Variants in STXBP6 observed in about 807,000 individuals in gnomAD.
STXBP6 encodes the protein syntaxin-binding protein 6.
STXBP6 carries 21 observed loss-of-function variants against 26.9 expected under a neutral mutation model. The ratio of observed to expected loss-of-function variants is 0.78; its 90% CI spans 0.55 to 1.12. The LOEUF (loss-of-function observed/expected upper bound fraction) is 1.12, where lower values mean the gene tolerates loss of function less well. STXBP6 is among the 50% of genes most tolerant of loss of function. The pLI is 0.00. For missense variants in STXBP6, 232 were observed against 257.9 expected (o/e 0.90, Z 0.69); for synonymous variants, 97 against 92.6 (o/e 1.05, Z -0.27).
intron 5 of STXBP6, chr14:24,817,043 A>G (rs1163793407): frequency 6.6e-6 from 1 of 152,232 alleles, no homozygotes; most frequent in Non-Finnish European, 1.5e-5. Flanking sequence ...TACTATTCTC[A>G]TAAAGAATAG....
intron 2 of STXBP6, among the ~76,000 whole-genome samples, chr14:24,896,975 A>T (rs925672157): frequency 6.6e-6 from 1 of 152,150 alleles, no homozygotes; most frequent in Non-Finnish European, 1.5e-5. Flanking sequence ...ATAAGACTAA[A>T]GGCCTTACAC....
At chr14:24,864,858 C>G (rs887641825) in intron 2 of STXBP6, among the ~76,000 whole-genome samples, 22 of 152,048 alleles carry the variant, frequency 1.4e-4, no homozygotes, top group African/African-American at 5.3e-4. Context: ...TAGTATTTTT[C>G]ATCATACATT....
rs540784783 is a variant in STXBP6 at position 24,917,253 on chromosome 14, T to C, written c.154+57412A>G. Among the ~76,000 whole-genome samples the C allele has an allele frequency of 6.9e-4, 105 of 152,170 alleles. 1 individual carries two copies. The highest frequency in any genetic ancestry group is 2.5e-3 in the African/African-American group (102 of 41,510). The stretch of plus-strand genomic sequence containing the variant: ...TATTATTAAGGAATGACACAAAAAC[T>C]AGAAGAAAAGATGACAAAATGGAGT... On this transcript the variant is annotated intron_variant, in intron 2 of 5. Coordinates refer to ENST00000323944, the MANE Select transcript of STXBP6 (RefSeq NM_001394410.1).
chr14:24,985,415 G>A (rs1212797325), intron 1 of STXBP6, among the ~76,000 whole-genome samples: 1 of 152,224 alleles, frequency 6.6e-6, no homozygotes, highest in Non-Finnish European at 1.5e-5. Context: ...TTCCAAACCG[G>A]AAAACGCTTA....
intron 1 of STXBP6, among the ~76,000 whole-genome samples, chr14:24,976,615 C>G (rs949504982): frequency 6.6e-6 from 1 of 152,120 alleles, no homozygotes; most frequent in African/African-American, 2.4e-5. Flanking sequence ...AAGTTGGCAA[C>G]AGAATTTCAT....
At chr14:24,948,114 C>A (rs1325293526) in intron 2 of STXBP6, among the ~76,000 whole-genome samples, 4 of 152,150 alleles carry the variant, frequency 2.6e-5, no homozygotes, top group Non-Finnish European at 5.9e-5. Flanking sequence ...GAAAAGGCGC[C>A]AATCCCACTT....
intron 2 of STXBP6, among the ~76,000 whole-genome samples, chr14:24,932,162 A>C (rs1211671401): frequency 1.3e-5 from 2 of 152,186 alleles, no homozygotes; most frequent in African/African-American, 4.8e-5. Flanking sequence ...TAATCCCAGC[A>C]CTTTGGGAGG....
At chr14:24,887,124 T>C (rs2070619280) in intron 2 of STXBP6, among the ~76,000 whole-genome samples, 1 of 152,218 alleles carries the variant, frequency 6.6e-6, no homozygotes, top group Non-Finnish European at 1.5e-5. Flanking sequence ...TCTTGATAGT[T>C]AAGGCCTTAA....
intron 2 of STXBP6, among the ~76,000 whole-genome samples, chr14:24,876,668 C>T (rs1229449716): frequency 6.6e-6 from 1 of 152,170 alleles, no homozygotes; most frequent in African/African-American, 2.4e-5. Context: ...GATACGCTAT[C>T]CATTAGCAAT....
At chr14:24,832,486 T>A (rs1314159569) in intron 4 of STXBP6, among the ~76,000 whole-genome samples, 1 of 152,208 alleles carries the variant, frequency 6.6e-6, no homozygotes, top group Non-Finnish European at 1.5e-5. Context: ...ATTTTTACCA[T>A]CTCTCTGGTG....
intron 2 of STXBP6, among the ~76,000 whole-genome samples, chr14:24,915,924 G>A (rs527281668): frequency 1.4e-4 from 22 of 152,168 alleles, no homozygotes; most frequent in African/African-American, 4.1e-4. Context: ...TTTCTGAACC[G>A]GCTTTTTTAA....
At chr14:24,896,950 A>G (rs1005415554) in intron 2 of STXBP6, among the ~76,000 whole-genome samples, 5 of 152,162 alleles carry the variant, frequency 3.3e-5, no homozygotes, top group Admixed American at 2.6e-4. Flanking sequence ...GGAAGGCTGT[A>G]CCACTGGGTG....
At chr14:25,044,282 G>C (rs2075691102) in intron 1 of STXBP6, among the ~76,000 whole-genome samples, 1 of 151,772 alleles carries the variant, frequency 6.6e-6, no homozygotes, top group South Asian at 2.1e-4. Flanking sequence ...TTGGTCATTA[G>C]GAAGCCAATA....
chr14:24,839,417 T>A (rs910169441), intron 4 of STXBP6, among the ~76,000 whole-genome samples: 2 of 152,154 alleles, frequency 1.3e-5, no homozygotes, highest in Non-Finnish European at 1.5e-5. Flanking sequence ...CAAAAGAGAA[T>A]TTGGTTCATG....
chr14:24,884,829 A>C (rs2070509862), intron 2 of STXBP6, among the ~76,000 whole-genome samples: 1 of 152,214 alleles, frequency 6.6e-6, no homozygotes, highest in Non-Finnish European at 1.5e-5. Context: ...CTCAGTATGA[A>C]ATGCTGAATT....
chr14:24,926,449 C>T (rs927155230), intron 2 of STXBP6, among the ~76,000 whole-genome samples: 11 of 151,944 alleles, frequency 7.2e-5, no homozygotes, highest in East Asian at 1.9e-4. Flanking sequence ...CTATTTTGGA[C>T]GAACAATTTA....
chr14:25,003,593 C>T (rs1751445807), intron 1 of STXBP6, among the ~76,000 whole-genome samples: 1 of 152,178 alleles, frequency 6.6e-6, no homozygotes, highest in South Asian at 2.1e-4. Flanking sequence ...TCATACAGTA[C>T]ATGTAACATA....
chr14:25,017,968 G>A (rs1482437860), intron 1 of STXBP6, among the ~76,000 whole-genome samples: 1 of 152,106 alleles, frequency 6.6e-6, no homozygotes, highest in Non-Finnish European at 1.5e-5. Context: ...CTTTCCAAAT[G>A]CTCTTGGTCG....
At chr14:24,896,587 C>G (rs12884685) in intron 2 of STXBP6, among the ~76,000 whole-genome samples, 51,335 of 151,970 alleles carry the variant, frequency 0.34, 8,789 homozygotes, top group African/African-American at 0.41. Context: ...TCATAATTTA[C>G]TAGAGGATAC....
Sources: allele counts gnomAD v4.1 joint callset (sites outside exome capture counted in the v4.1 genomes callset), GRCh38; gene constraint gnomAD v4.1.1; transcripts MANE v1.5; gene names NCBI Gene and HGNC (gene_info 2026-07-23, HGNC 2026-07-21).